The following GGH variants were observed in gnomAD, a reference collection of about 807,000 sequenced individuals.
GGH encodes the protein gamma-Glu-X carboxypeptidase.
GGH carries 18 observed loss-of-function variants against 39.2 expected under a neutral mutation model. That is an observed-to-expected ratio of 0.46 (90% CI 0.32 to 0.68). The LOEUF (loss-of-function observed/expected upper bound fraction) is 0.68, where lower values mean the gene tolerates loss of function less well. Ranked by LOEUF, GGH falls within the 30% of genes least tolerant of loss-of-function variation. GGH has a pLI of 0.04. For synonymous variants in GGH, 147 were observed against 138.8 expected (o/e 1.06, Z -0.42); for missense variants, 367 against 384.1 (o/e 0.96, Z 0.37).
intron 7 of GGH, among the ~76,000 whole-genome samples, chr8:63,020,303 T>C (rs575174486): frequency 1.3e-5 from 2 of 152,336 alleles, no homozygotes; most frequent in African/African-American, 4.8e-5. Flanking sequence ...ATGAGCCTGG[T>C]ATGGCATAGT....
chr8:63,026,671 TGA>T (rs1804688349), intron 4 of GGH, among the ~76,000 whole-genome samples: 1 of 152,126 alleles, frequency 6.6e-6, no homozygotes, highest in African/African-American at 2.4e-5. Flanking sequence ...TGTTAATAGT[TGA>T]GGAGAGAAAC....
Position 63,015,291 on chromosome 8 carries a change from T to C in GGH, c.*41A>G, listed in dbSNP as rs376991563. On this transcript the variant is annotated 3_prime_UTR_variant, in exon 9 of 9. Transcript: ENST00000260118. ...GCAAGTTATTCTAACAGTTTAATCA[T>C]GGAATTATTCAAATTTGCTCTGTTA... 6.8e-5 allele frequency: 72 copies of C among 1,064,174 alleles called. No homozygotes were observed. The African/African-American group carries it at 9.9e-4, about 15-fold the overall frequency. The allele number at this position is 1,064,174 out of a possible 1,614,324, so 65.9% of individuals were successfully genotyped here.
At chr8:63,023,415 G>A (rs1355241111) in intron 7 of GGH, 1 of 152,376 alleles carries the variant, frequency 6.6e-6, no homozygotes. Context: ...CCCGCTCCAT[G>A]AGATACTATT....
At chr8:63,034,299 A>T (rs747806697) in intron 2 of GGH, among the ~76,000 whole-genome samples, 16 of 152,050 alleles carry the variant, frequency 1.1e-4, no homozygotes, top group Non-Finnish European at 2.1e-4. Flanking sequence ...CAGTTAATTT[A>T]AATGTAAAAG....
chr8:63,021,061 A>G (rs1355453502), intron 7 of GGH, among the ~76,000 whole-genome samples: 2 of 152,174 alleles, frequency 1.3e-5, no homozygotes, highest in East Asian at 3.8e-4. Context: ...GGACTCTCAT[A>G]ATTATTCATC....
In GGH at chr8:63,017,650, T is replaced by C. The variant is rs758002225; in HGVS notation, c.698-20A>G. 1.4e-6 allele frequency: 2 copies of C among 1,473,610 alleles called. No individual in the cohort carries two copies. Among genetic ancestry groups the C allele is most frequent in the South Asian group, 1.2e-5 (1 of 82,356 alleles). The allele number at this position is 1,473,610 out of a possible 1,614,324, so 91.3% of individuals were successfully genotyped here. A position where few individuals can be genotyped will look rare whatever the true frequency, so the allele number is the denominator to read the frequency against. ...TATATCCTGTAAGAAGAACACAAAT[T>C]AGTAAGTACTAAGAATGGTTTAAAA... On this transcript the variant is annotated intron_variant, in intron 7 of 8. Coordinates refer to ENST00000260118, the MANE Select transcript of GGH (RefSeq NM_003878.3).
At chr8:63,035,147 T>C (rs771521727) in intron 2 of GGH, among the ~76,000 whole-genome samples, 1 of 152,196 alleles carries the variant, frequency 6.6e-6, no homozygotes, top group African/African-American at 2.4e-5. Flanking sequence ...ATATGACATA[T>C]GGTACCTCTA....
chr8:63,036,462 G>A (rs1201594004), intron 1 of GGH, among the ~76,000 whole-genome samples: 2 of 152,176 alleles, frequency 1.3e-5, no homozygotes, highest in African/African-American at 4.8e-5. Context: ...TAATTCGAGG[G>A]TGTAGCAGGG....
At chr8:63,017,905 A>G in intron 7 of GGH, 1 of 289,308 alleles carries the variant, frequency 3.5e-6, no homozygotes, top group Non-Finnish European at 6.4e-6. Context: ...TGAGGAATCT[A>G]TCCCTGTCCA....
In GGH at chr8:63,017,559, C is replaced by CA. The variant is rs771894162; in HGVS notation, c.768dup (p.Gly257TrpfsTer7). ...ACAGCATTAGGTGCATGGGAAATGC[C>CA]ATCCAAATTCTTCCACTCATAAGGT... On this transcript the variant is annotated frameshift_variant, in exon 8 of 9. Transcript: ENST00000260118. LOFTEE classifies it high-confidence loss of function. 3 of 1,609,332 alleles carry CA rather than the reference C, an allele frequency of 1.9e-6. No homozygotes were observed. The Admixed American group carries it at 5.0e-5, about 27-fold the overall frequency.
chr8:63,027,009 A>T (rs1432593200), intron 4 of GGH, 172 bp downstream of exon 4: 2 of 621,348 alleles, frequency 3.2e-6, no homozygotes, highest in African/African-American at 3.8e-5. Flanking sequence ...GGATTAGATG[A>T]AGCACATGGA....
rs944112799 is a variant in GGH at position 63,038,777 on chromosome 8, C to A, written c.-9G>T. 1 of 1,469,746 alleles carries A rather than the reference C, an allele frequency of 6.8e-7. No homozygotes were observed. The highest frequency in any genetic ancestry group is 9.1e-7 in the Non-Finnish European group (1 of 1,098,690). The allele number at this position is 1,469,746 out of a possible 1,614,324, so 91.0% of individuals were successfully genotyped here. ...CAGCCCGGACTGGCCATGGCGCTCG[C>A]CGCCTCCCGCCGCCTTTCAAAAGCT... On this transcript the variant is annotated 5_prime_UTR_variant, in exon 1 of 9. Transcript: ENST00000260118.
chr8:63,019,592 C>G (rs1487203884), intron 7 of GGH, among the ~76,000 whole-genome samples: 1 of 148,960 alleles, frequency 6.7e-6, no homozygotes, highest in East Asian at 2.2e-4. Flanking sequence ...GTCAAGGGCA[C>G]AGGTCATAAT....
At chr8:63,037,816 A>C (rs1487751704) in intron 1 of GGH, among the ~76,000 whole-genome samples, 2 of 152,226 alleles carry the variant, frequency 1.3e-5, no homozygotes, top group African/African-American at 2.4e-5. Flanking sequence ...AATAAGTTCC[A>C]AATATTAGTA....
At chr8:63,021,070 T>A (rs1278496069) in intron 7 of GGH, among the ~76,000 whole-genome samples, 1 of 152,222 alleles carries the variant, frequency 6.6e-6, no homozygotes, top group Non-Finnish European at 1.5e-5. Flanking sequence ...TAATTATTCA[T>A]CACCCCAACC....
At chr8:63,016,233 A>T (rs1470633969) in intron 8 of GGH, among the ~76,000 whole-genome samples, 1 of 152,236 alleles carries the variant, frequency 6.6e-6, no homozygotes, top group Non-Finnish European at 1.5e-5. Context: ...CTACTACTGC[A>T]GCAAATGCGG....
At chr8:63,018,822 G>T (rs920187616) in intron 7 of GGH, among the ~76,000 whole-genome samples, 1 of 152,152 alleles carries the variant, frequency 6.6e-6, no homozygotes, top group African/African-American at 2.4e-5. Flanking sequence ...TGCTTCATGC[G>T]TTGGAAAAGA....
chr8:63,038,644 C>G lies in GGH; in HGVS notation c.109+16G>C, dbSNP rs781259634. 34 of 1,408,422 alleles carry G rather than the reference C, an allele frequency of 2.4e-5. No homozygotes were observed. Among genetic ancestry groups the G allele is most frequent in the Middle Eastern group, 3.7e-4 (2 of 5,470 alleles). The allele number at this position is 1,408,422 out of a possible 1,614,324, so 87.2% of individuals were successfully genotyped here. ...AGCTCCTCCCCGTCTGCTGCGGCCC[C>G]GCACAGCCTCCTTACCGATGATGGG... On this transcript the variant is annotated intron_variant, in intron 1 of 8. Coordinates refer to ENST00000260118, the MANE Select transcript of GGH (RefSeq NM_003878.3).
At chr8:63,025,844 G>A (rs1277687965) in intron 5 of GGH, among the ~76,000 whole-genome samples, 2 of 152,046 alleles carry the variant, frequency 1.3e-5, no homozygotes, top group African/African-American at 4.8e-5. Flanking sequence ...GTTCCTCAAG[G>A]TAAAAGTGAC....
Sources: gnomAD v4.1 joint callset for allele counts (sites outside exome capture counted in the v4.1 genomes callset) on GRCh38, gnomAD v4.1.1 for gene constraint, MANE v1.5 for transcripts, NCBI Gene and HGNC (gene_info 2026-07-23, HGNC 2026-07-21) for gene names.